WDR11: variants seen among roughly 807,000 people sequenced by gnomAD.
WDR11 encodes WD repeat domain 11, also known as WD repeat-containing protein 11.
Under a neutral mutation model 151.2 loss-of-function variants are expected in WDR11, and 83 were observed. The observed-to-expected ratio is 0.55, with a 90% CI of 0.46 to 0.66. WDR11 has a LOEUF of 0.66. Ranked by LOEUF, WDR11 falls within the 30% of genes least tolerant of loss-of-function variation. The pLI is 0.00. For missense variants in WDR11, 1,301 were observed against 1,480.9 expected (o/e 0.88, Z 1.99); for synonymous variants, 484 against 533.1 (o/e 0.91, Z 1.27).
At chr10:120,865,019 G>T in intron 5 of WDR11, 28 bp from the exon 6 acceptor site, 1 of 1,612,582 alleles carries the variant, frequency 6.2e-7, no homozygotes, top group Non-Finnish European at 8.5e-7. Context: ...TGAAGTCTTT[G>T]ACCCAAGTGA....
At chr10:120,896,409 A>G (rs1847616904) in intron 19 of WDR11, among the ~76,000 whole-genome samples, 1 of 151,500 alleles carries the variant, frequency 6.6e-6, no homozygotes, top group Admixed American at 6.6e-5. Flanking sequence ...TGAACCATTT[A>G]TATATTTTAT....
chr10:120,903,925 T>C, intron 23 of WDR11, 122 bp from the exon 24 acceptor site: 1 of 671,290 alleles, frequency 1.5e-6, no homozygotes, highest in Middle Eastern at 4.1e-4. Flanking sequence ...GTAAAGTTGA[T>C]TATCTAGTAA....
chr10:120,895,558 A>G (rs1300166936), intron 19 of WDR11, among the ~76,000 whole-genome samples: 1 of 152,200 alleles, frequency 6.6e-6, no homozygotes, highest in Non-Finnish European at 1.5e-5. Flanking sequence ...AGAATAAACG[A>G]AAGTGTTCAA....
chr10:120,859,967 AC>A, intron 3 of WDR11, 141 bp from the exon 4 acceptor site: 1 of 850,336 alleles, frequency 1.2e-6, no homozygotes, highest in Non-Finnish European at 1.9e-6. Flanking sequence ...ACACACACAC[AC>A]ACACACACAC....
chr10:120,888,828 G>A (rs761172627), intron 16 of WDR11, among the ~76,000 whole-genome samples: 1 of 151,552 alleles, frequency 6.6e-6, no homozygotes, highest in Non-Finnish European at 1.5e-5. Context: ...TTCCTCAAAA[G>A]ACATCCCCTC....
intron 14 of WDR11, among the ~76,000 whole-genome samples, chr10:120,885,538 A>G (rs779742752): frequency 2.6e-5 from 4 of 152,154 alleles, no homozygotes; most frequent in Non-Finnish European, 5.9e-5. Flanking sequence ...GACGAGGAAT[A>G]GGCAATACTA....
At chr10:120,874,748 T>A (rs751971981) in intron 11 of WDR11, among the ~76,000 whole-genome samples, 1 of 152,140 alleles carries the variant, frequency 6.6e-6, no homozygotes, top group Non-Finnish European at 1.5e-5. Context: ...TCTCCCTTTT[T>A]ATGACTGCAT....
intron 22 of WDR11, 67 bp from the exon 23 acceptor site, chr10:120,902,988 C>A: frequency 6.6e-7 from 1 of 1,524,534 alleles, no homozygotes; most frequent in South Asian, 1.1e-5. Context: ...GTCCCTCAGT[C>A]TACTCTAGGA....
chr10:120,862,508 T>C (rs1017212068), intron 4 of WDR11: 4 of 466,456 alleles, frequency 8.6e-6, no homozygotes, highest in African/African-American at 3.9e-5. Context: ...ATCTTTTTAA[T>C]ATAAGACATA....
chr10:120,902,073 G>A (rs1847843737), intron 21 of WDR11, among the ~76,000 whole-genome samples, 184 bp from the exon 22 acceptor site: 1 of 152,194 alleles, frequency 6.6e-6, no homozygotes, highest in Admixed American at 6.5e-5. Context: ...CAAGCCTTGA[G>A]AACACTCTCA....
At chr10:120,893,180 A>G (rs1237310388) in intron 19 of WDR11, among the ~76,000 whole-genome samples, 4 of 113,722 alleles carry the variant, frequency 3.5e-5, no homozygotes, top group South Asian at 3.5e-4. Flanking sequence ...CCACCCCACA[A>G]CAGTCCCAGG....
intron 4 of WDR11, 52 bp downstream of exon 4, chr10:120,860,334 A>G: frequency 6.3e-7 from 1 of 1,578,854 alleles, no homozygotes; most frequent in East Asian, 2.2e-5. Flanking sequence ...TTTATAATAT[A>G]GTAATGCTAT....
chr10:120,906,560 T>G (rs1284669809), intron 27 of WDR11: 28 of 1,410,166 alleles, frequency 2.0e-5, no homozygotes, highest in African/African-American at 1.4e-5. Flanking sequence ...TATTTCACAA[T>G]TTTTTAAAGT....
intron 19 of WDR11, among the ~76,000 whole-genome samples, chr10:120,893,163 C>A (rs533901754): frequency 7.2e-6 from 1 of 138,972 alleles, no homozygotes; most frequent in Non-Finnish European, 1.6e-5. Flanking sequence ...ATCCCTCCCC[C>A]CTCCCTCCAC....
intron 11 of WDR11, among the ~76,000 whole-genome samples, chr10:120,875,247 T>G (rs1846723728): frequency 6.6e-6 from 1 of 152,236 alleles, no homozygotes; most frequent in Non-Finnish European, 1.5e-5. Context: ...TTAATTTGTC[T>G]TATTTATTCT....
intron 20 of WDR11, among the ~76,000 whole-genome samples, 157 bp downstream of exon 20, chr10:120,900,294 G>C (rs374938406): frequency 6.6e-6 from 1 of 152,140 alleles, no homozygotes; most frequent in African/African-American, 2.4e-5. Flanking sequence ...GCTGCCTCTG[G>C]GTTCTCGGGC....
rs749695158 is a variant in WDR11 at position 120,873,823 on chromosome 10, G to C, written c.1472-16G>C. ...TCCCACTGAATTAATGCTCTTCCAT[G>C]ATGTCATTTTGAAAGGTACAAGTAA... On this transcript the variant is annotated splice_polypyrimidine_tract_variant and intron_variant, in intron 10 of 28. Coordinates refer to ENST00000263461, the MANE Select transcript of WDR11 (RefSeq NM_018117.12). The C allele has an allele frequency of 6.3e-7, 1 of 1,582,230 alleles. No individual in the cohort carries two copies.
In WDR11 at chr10:120,865,116, G is replaced by A. The variant is rs1590064151; in HGVS notation, c.783G>A (p.Leu261=). 3 of 1,613,968 alleles carry A rather than the reference G, an allele frequency of 1.9e-6. No individual in the cohort carries two copies. The highest frequency in any genetic ancestry group is 2.2e-5 in the South Asian group (2 of 91,080). ...TGCCTTCAAAAAGGAATCACATGTT[G>A]TTGCTCTATCCTCGAGAGATTTTAA... ...AYLPSKRNHM[L]LLYPREILIL... is the part of the protein sequence containing the mutation. The change falls in exon 6 of 29, where the codon TTG becomes TTA. Residue 261 remains leucine, a synonymous_variant. Coordinates refer to ENST00000263461, the MANE Select transcript of WDR11 (RefSeq NM_018117.12).
In WDR11 at chr10:120,908,816, C is replaced by G. The variant is rs745818458; in HGVS notation, c.*103C>G. The stretch of plus-strand genomic sequence containing the variant: ...TCCAGGATGAAGAGGAGTACAGGGT[C>G]CTGTGAGCTGTTTGACCACTGTTCT... On this transcript the variant is annotated 3_prime_UTR_variant, in exon 29 of 29. Transcript: ENST00000263461. The G allele has an allele frequency of 1.4e-4, 183 of 1,313,310 alleles. 1 individual carries two copies. The highest frequency in any genetic ancestry group is 1.9e-4 in the Non-Finnish European group (172 of 915,910). The allele number at this position is 1,313,310 out of a possible 1,614,324, so 81.4% of individuals were successfully genotyped here. A position where few individuals can be genotyped will look rare whatever the true frequency, so the allele number is the denominator to read the frequency against.
Sources: gnomAD v4.1 joint callset for allele counts (sites outside exome capture counted in the v4.1 genomes callset) on GRCh38, gnomAD v4.1.1 for gene constraint, MANE v1.5 for transcripts, NCBI Gene and HGNC (gene_info 2026-07-23, HGNC 2026-07-21) for gene names.